MEF2A: variants seen among roughly 807,000 people sequenced by gnomAD.
The protein encoded by MEF2A is myocyte-specific enhancer factor 2A.
In MEF2A, 28 loss-of-function variants were observed where a neutral mutation model predicts 55.8. The ratio of observed to expected loss-of-function variants is 0.50; its 90% CI spans 0.37 to 0.69. The LOEUF (loss-of-function observed/expected upper bound fraction) is 0.69. Ranked by LOEUF, MEF2A falls within the 30% of genes least tolerant of loss-of-function variation. The pLI is 0.00. For missense variants in MEF2A, 528 were observed against 626.2 expected, an observed-to-expected ratio of 0.84 and a Z score of 1.67; for synonymous variants, 239 against 227.1, an observed-to-expected ratio of 1.05 and a Z score of -0.47.
intron 1 of MEF2A, 139 bp from the exon 2 acceptor site, chr15:99,598,291 A>C (rs149291033): frequency 5.9e-5 from 9 of 152,332 alleles, no homozygotes; most frequent in Non-Finnish European, 1.2e-4. Flanking sequence ...GACTTTTTAA[A>C]ATTTAATTTT....
intron 9 of MEF2A, among the ~76,000 whole-genome samples, chr15:99,704,191 G>A (rs948327526): frequency 6.6e-6 from 1 of 152,184 alleles, no homozygotes; most frequent in Non-Finnish European, 1.5e-5. Flanking sequence ...GAAAGCATGG[G>A]GGAGGAAGGC....
intron 3 of MEF2A, 25 bp from the exon 4 acceptor site, chr15:99,645,536 A>G: frequency 6.4e-7 from 1 of 1,553,482 alleles, no homozygotes; most frequent in South Asian, 1.1e-5. Context: ...GCTTTTAATA[A>G]AAATATACCT....
intron 7 of MEF2A, among the ~76,000 whole-genome samples, chr15:99,685,286 G>C (rs2054009633): frequency 6.6e-6 from 1 of 152,192 alleles, no homozygotes. Context: ...GCTTTTGGCA[G>C]TATGGCCATT....
chr15:99,597,285 A>T (rs1476633994), intron 1 of MEF2A, among the ~76,000 whole-genome samples: 1 of 152,140 alleles, frequency 6.6e-6, no homozygotes, highest in Non-Finnish European at 1.5e-5. Context: ...GGGTCTCTGA[A>T]CTGGCCCCCC....
At chr15:99,575,497 T>C (rs1157909401) in intron 1 of MEF2A, among the ~76,000 whole-genome samples, 1 of 152,204 alleles carries the variant, frequency 6.6e-6, no homozygotes, top group Admixed American at 6.5e-5. Flanking sequence ...CCTCAGTGCA[T>C]CACATCATGA....
chr15:99,706,078 G>C (rs1441681701), intron 9 of MEF2A, among the ~76,000 whole-genome samples: 1 of 152,204 alleles, frequency 6.6e-6, no homozygotes, highest in Non-Finnish European at 1.5e-5. Context: ...TTGGCAAAAA[G>C]CATTTAATAT....
intron 1 of MEF2A, among the ~76,000 whole-genome samples, chr15:99,568,798 A>G (rs1232911707): frequency 6.6e-6 from 1 of 152,200 alleles, no homozygotes; most frequent in Non-Finnish European, 1.5e-5. Flanking sequence ...AATTTCACAT[A>G]TTCTGTGTTG....
At chr15:99,578,479 A>G (rs946542168) in intron 1 of MEF2A, among the ~76,000 whole-genome samples, 2 of 152,116 alleles carry the variant, frequency 1.3e-5, no homozygotes, top group Admixed American at 1.3e-4. Context: ...CTCATCTTGC[A>G]TTTTACCAGC....
intron 10 of MEF2A, among the ~76,000 whole-genome samples, chr15:99,709,539 G>A (rs1239879588): frequency 6.6e-6 from 1 of 152,214 alleles, no homozygotes; most frequent in African/African-American, 2.4e-5. Context: ...AGTCAGGACA[G>A]CCCTGAGCAC....
At chr15:99,627,338 T>G (rs1474531545) in intron 2 of MEF2A, among the ~76,000 whole-genome samples, 1 of 141,784 alleles carries the variant, frequency 7.1e-6, no homozygotes, top group African/African-American at 2.7e-5. Flanking sequence ...GAGAATCACT[T>G]GAACCCAGGA....
At chr15:99,578,453 T>A (rs532284537) in intron 1 of MEF2A, among the ~76,000 whole-genome samples, 2 of 152,344 alleles carry the variant, frequency 1.3e-5, no homozygotes, top group East Asian at 3.9e-4. Flanking sequence ...CTGAAAAGTT[T>A]CTGAGAAACT....
chr15:99,601,099 G>A (rs1270132692), intron 2 of MEF2A, among the ~76,000 whole-genome samples: 1 of 151,966 alleles, frequency 6.6e-6, no homozygotes, highest in East Asian at 1.9e-4. Context: ...TCAGTGCAGT[G>A]GTCTGACACA....
At chr15:99,644,597 A>G (rs572171391) in intron 3 of MEF2A, among the ~76,000 whole-genome samples, 1 of 152,356 alleles carries the variant, frequency 6.6e-6, no homozygotes, top group East Asian at 1.9e-4. Context: ...AAATCGTATG[A>G]TAGGTATCCA....
intron 4 of MEF2A, among the ~76,000 whole-genome samples, chr15:99,659,014 TTTGTTGAATGA>T (rs2048201300): frequency 6.6e-6 from 1 of 152,100 alleles, no homozygotes; most frequent in Admixed American, 6.6e-5. Context: ...TTCGATAAAT[TTTGTTGAATGA>T]AAGAAAAAAG....
At position 99,576,003 on chromosome 15, in the gene MEF2A, G is replaced by A. The variant is rs568174477; in HGVS notation, c.-225+9899G>A. On this transcript the variant is annotated intron_variant, in intron 1 of 11. Transcript: ENST00000557942. The stretch of plus-strand genomic sequence containing the variant: ...ATTTGTTGAGCACTTTCTTGCATTC[G>A]GGACCAGTAAGATATTCCAGGCTCA... Among the ~76,000 whole-genome samples, 14 of 152,106 alleles carry A rather than the reference G, an allele frequency of 9.2e-5. 1 individual carries two copies. Among genetic ancestry groups the A allele is most frequent in the Non-Finnish European group, 1.6e-4 (11 of 68,002 alleles).
At chr15:99,710,179 G>A (rs1291865467) in intron 10 of MEF2A, among the ~76,000 whole-genome samples, 1 of 152,154 alleles carries the variant, frequency 6.6e-6, no homozygotes, top group Non-Finnish European at 1.5e-5. Flanking sequence ...AAGATTTTGC[G>A]GATTTTAGAC....
intron 1 of MEF2A, among the ~76,000 whole-genome samples, chr15:99,579,299 C>G (rs1047161752): frequency 3.4e-5 from 5 of 148,764 alleles, no homozygotes; most frequent in African/African-American, 9.9e-5. Flanking sequence ...TTTTTTTCTG[C>G]TTTAGGGTTT....
chr15:99,578,206 C>T (rs1267694448), intron 1 of MEF2A, among the ~76,000 whole-genome samples: 1 of 152,160 alleles, frequency 6.6e-6, no homozygotes, highest in Non-Finnish European at 1.5e-5. Flanking sequence ...TTCCTTGTTC[C>T]TTTCTCATTT....
chr15:99,656,615 C>T (rs1054887244), intron 4 of MEF2A, among the ~76,000 whole-genome samples: 4 of 152,080 alleles, frequency 2.6e-5, no homozygotes, highest in African/African-American at 9.7e-5. Flanking sequence ...AGTATACATT[C>T]CCAGAGCTTT....
Sources: allele counts gnomAD v4.1 joint callset (sites outside exome capture counted in the v4.1 genomes callset), GRCh38; gene constraint gnomAD v4.1.1; transcripts MANE v1.5; gene names NCBI Gene and HGNC (gene_info 2026-07-23, HGNC 2026-07-21).